RBFOX1: variants seen among roughly 807,000 people sequenced by gnomAD.
RBFOX1 encodes the protein RNA binding fox-1 homolog 1, also known as RNA binding protein fox-1 homolog 1.
A neutral mutation model predicts 57.7 loss-of-function variants in RBFOX1; 8 were observed. The observed-to-expected ratio is 0.14, with a 90% CI of 0.08 to 0.25. The LOEUF (loss-of-function observed/expected upper bound fraction) is 0.25, where lower values mean the gene tolerates loss of function less well. Ranked by LOEUF, RBFOX1 falls within the 10% of genes least tolerant of loss-of-function variation. The pLI is 1.00. For missense variants in RBFOX1, 611 were observed against 548.5 expected (o/e 1.11, Z -1.14); for synonymous variants, 326 against 222.4 (o/e 1.47, Z -4.15).
chr16:6,810,542 T>C (rs76828530), intron 3 of RBFOX1, among the ~76,000 whole-genome samples: 3,553 of 152,256 alleles, frequency 0.023, 122 homozygotes, highest in South Asian at 0.15. Flanking sequence ...CTCTTTTTTT[T>C]TCCTTAAGTT....
chr16:6,796,844 G>A (rs538611287), intron 3 of RBFOX1, among the ~76,000 whole-genome samples: 1 of 152,274 alleles, frequency 6.6e-6, no homozygotes, highest in African/African-American at 2.4e-5. Flanking sequence ...GGGAATGATA[G>A]AAGACAATAA....
intron 3 of RBFOX1, among the ~76,000 whole-genome samples, chr16:6,895,448 GTATATATATA>G (rs71147622): frequency 9.3e-4 from 51 of 54,630 alleles, no homozygotes; most frequent in South Asian, 3.2e-3. Flanking sequence ...GTGTGTGTGT[GTATATATATA>G]TATATATATA....
intron 2 of RBFOX1, among the ~76,000 whole-genome samples, chr16:6,368,360 C>G (rs1322640907): frequency 6.6e-6 from 1 of 152,206 alleles, no homozygotes. Flanking sequence ...AATGAAATGG[C>G]ATGCTAGCAG....
intron 1 of RBFOX1, among the ~76,000 whole-genome samples, chr16:5,356,070 G>A (rs1042957559): frequency 6.6e-6 from 1 of 152,194 alleles, no homozygotes; most frequent in Admixed American, 6.5e-5. Context: ...CACCCTGGGT[G>A]ACAGAGCGAA....
At chr16:6,373,666 C>T (rs9922278) in intron 2 of RBFOX1, among the ~76,000 whole-genome samples, 83,177 of 151,820 alleles carry the variant, frequency 0.55, 23,043 homozygotes, top group Middle Eastern at 0.64. Context: ...GGTAGATATA[C>T]AGTTGGATGG....
At chr16:5,381,491 C>A (rs1288051235) in intron 1 of RBFOX1, among the ~76,000 whole-genome samples, 3 of 152,136 alleles carry the variant, frequency 2.0e-5, no homozygotes, top group Non-Finnish European at 4.4e-5. Flanking sequence ...GCATTTCTAG[C>A]AAGCTCCCTG....
intron 4 of RBFOX1, among the ~76,000 whole-genome samples, chr16:7,150,129 T>G (rs1159888100): frequency 1.3e-5 from 2 of 152,194 alleles, no homozygotes; most frequent in African/African-American, 2.4e-5. Context: ...TCATAGGGCT[T>G]TCATGGTCTG....
chr16:6,997,657 G>C (rs867178748), intron 3 of RBFOX1, among the ~76,000 whole-genome samples: 1 of 152,096 alleles, frequency 6.6e-6, no homozygotes, highest in Non-Finnish European at 1.5e-5. Flanking sequence ...CTCTTTGTCA[G>C]GGTATTGTTC....
chr16:7,108,758 CA>C (rs1416334453), intron 4 of RBFOX1, among the ~76,000 whole-genome samples: 1 of 152,196 alleles, frequency 6.6e-6, no homozygotes, highest in Non-Finnish European at 1.5e-5. Context: ...GAGATACACT[CA>C]CCCCTGTGCT....
chr16:6,907,298 C>T (rs7195291), intron 3 of RBFOX1, among the ~76,000 whole-genome samples: 45,793 of 151,978 alleles, frequency 0.3, 8,177 homozygotes, highest in African/African-American at 0.51. Context: ...TACCGATGTG[C>T]CTCCTTCAGT....
chr16:5,763,666 TTTGAAAAC>T (rs2053667598), intron 3 of RBFOX1, among the ~76,000 whole-genome samples: 1 of 152,218 alleles, frequency 6.6e-6, no homozygotes, highest in Non-Finnish European at 1.5e-5. Flanking sequence ...GAGGGAATAT[TTTGAAAAC>T]TTGGATTTGA....
At chr16:7,207,973 A>G (rs11864248) in intron 4 of RBFOX1, among the ~76,000 whole-genome samples, 17,480 of 152,166 alleles carry the variant, frequency 0.11, 1,171 homozygotes, top group African/African-American at 0.17. Flanking sequence ...CTTTATTGTG[A>G]GCCTCCTGTA....
At chr16:7,501,145 A>G (rs754706240) in intron 4 of RBFOX1, among the ~76,000 whole-genome samples, 3 of 152,242 alleles carry the variant, frequency 2.0e-5, no homozygotes, top group African/African-American at 4.8e-5. Flanking sequence ...ACAGACTAAT[A>G]TAACCCAGCT....
intron 4 of RBFOX1, among the ~76,000 whole-genome samples, chr16:7,376,714 A>G (rs1277278947): frequency 6.6e-6 from 1 of 152,192 alleles, no homozygotes; most frequent in East Asian, 1.9e-4. Flanking sequence ...CCAAAGTACA[A>G]GTATAATTAA....
At chr16:6,497,564 A>ATTTTT (rs879515642) in intron 2 of RBFOX1, among the ~76,000 whole-genome samples, 14 of 75,406 alleles carry the variant, frequency 1.9e-4, no homozygotes, top group African/African-American at 1.0e-3. Flanking sequence ...AAGTTTTTAA[A>ATTTTT]AAAAAAAAAA....
chr16:7,211,275 C>T lies in RBFOX1; in HGVS notation c.27+159177C>T, dbSNP rs567265580. On this transcript the variant is annotated intron_variant, in intron 4 of 15. Coordinates refer to ENST00000550418, the MANE Select transcript of RBFOX1 (RefSeq NM_018723.4). The stretch of plus-strand genomic sequence containing the variant: ...GGTGTGGTGGTGGGCCCCTGTAGTC[C>T]CAGCTTCTCGGGAGGCTGAGGCAGG... Among the ~76,000 whole-genome samples the T allele has an allele frequency of 3.3e-5, 5 of 151,142 alleles. No homozygotes were observed. The East Asian group carries it at 9.8e-4, about 30-fold the overall frequency.
At chr16:6,672,776 TCA>T (rs1398858157) in intron 3 of RBFOX1, among the ~76,000 whole-genome samples, 1 of 152,164 alleles carries the variant, frequency 6.6e-6, no homozygotes, top group Non-Finnish European at 1.5e-5. Flanking sequence ...TTCTACCAAT[TCA>T]CAGTTCTGGT....
At chr16:5,335,966 C>G (rs28533612) in intron 1 of RBFOX1, among the ~76,000 whole-genome samples, 14,207 of 152,122 alleles carry the variant, frequency 0.093, 2,223 homozygotes, top group African/African-American at 0.32. Flanking sequence ...TCCTCCCAAT[C>G]AGTCTGGGAT....
chr16:6,700,852 T>G (rs2061710029), intron 3 of RBFOX1, among the ~76,000 whole-genome samples: 1 of 152,092 alleles, frequency 6.6e-6, no homozygotes, highest in Non-Finnish European at 1.5e-5. Flanking sequence ...AATGAAAACT[T>G]GCACTAGGAG....
Sources: gnomAD v4.1 joint callset for allele counts (sites outside exome capture counted in the v4.1 genomes callset) on GRCh38, gnomAD v4.1.1 for gene constraint, MANE v1.5 for transcripts, NCBI Gene and HGNC (gene_info 2026-07-23, HGNC 2026-07-21) for gene names.